The following RASEF variants were observed in gnomAD, a reference collection of about 807,000 sequenced individuals.
RASEF encodes the protein ras and EF-hand domain-containing protein.
A neutral mutation model predicts 90.1 loss-of-function variants in RASEF; 68 were observed. That is an observed-to-expected ratio of 0.75 (90% confidence interval 0.62 to 0.92). The LOEUF (loss-of-function observed/expected upper bound fraction) is 0.92. Ranked by LOEUF, RASEF falls within the 40% of genes least tolerant of loss-of-function variation. The pLI, the probability that RASEF is intolerant of heterozygous loss-of-function variation, is 0.00. For missense variants in RASEF, 949 were observed against 937.2 expected, an observed-to-expected ratio of 1.01 and a Z score of -0.16; for synonymous variants, 331 against 345.2, an observed-to-expected ratio of 0.96 and a Z score of 0.46.
chr9:83,131,761 T>C, the RASEF span, among the ~76,000 whole-genome samples: 1 of 152,198 alleles, frequency 6.6e-6, no homozygotes, highest in Non-Finnish European at 1.5e-5. Context: ...TAAATGGGTA[T>C]ACTCTAAGCT....
the RASEF span, among the ~76,000 whole-genome samples, chr9:83,190,347 T>C: frequency 1.6e-4 from 25 of 152,200 alleles, no homozygotes; most frequent in African/African-American, 5.5e-4. Context: ...CATTTTAAAA[T>C]ATATTTGTAA....
chr9:83,065,856 G>C (rs953393076), upstream of RASEF, among the ~76,000 whole-genome samples: 8 of 152,152 alleles, frequency 5.3e-5, no homozygotes, highest in African/African-American at 1.9e-4. Flanking sequence ...GTCTTAATTT[G>C]ATAAGGGGTA....
intron 16 of RASEF, 90 bp downstream of exon 16, chr9:82,990,301 G>A (rs534915709): frequency 6.5e-5 from 53 of 817,446 alleles, no homozygotes; most frequent in African/African-American, 5.6e-4. Flanking sequence ...GTGTTTTCCC[G>A]CATATATTCT....
the RASEF span, among the ~76,000 whole-genome samples, chr9:83,111,917 T>C: frequency 6.6e-6 from 1 of 151,980 alleles, no homozygotes; most frequent in African/African-American, 2.4e-5. Context: ...TTGTAATAGC[T>C]GTAATAGAGG....
At chr9:82,983,136 CACACACACACACACACACA>C (rs1828646888) in intron 16 of RASEF, among the ~76,000 whole-genome samples, 1 of 151,336 alleles carries the variant, frequency 6.6e-6, no homozygotes, top group African/African-American at 2.4e-5. Flanking sequence ...CACACACACA[CACACACACACACACACACA>C]CCCTTCTCCC....
the RASEF span, among the ~76,000 whole-genome samples, chr9:83,072,093 G>A: frequency 6.6e-6 from 1 of 152,150 alleles, no homozygotes; most frequent in South Asian, 2.1e-4. Context: ...TATGTTTGAA[G>A]TAGGATGATG....
At chr9:83,179,833 C>T in the RASEF span, among the ~76,000 whole-genome samples, 2 of 152,112 alleles carry the variant, frequency 1.3e-5, no homozygotes, top group South Asian at 2.1e-4. Flanking sequence ...CAGTGACTAC[C>T]TAAAAATACA....
intron 9 of RASEF, among the ~76,000 whole-genome samples, chr9:83,003,582 T>C (rs559420483): frequency 1.3e-5 from 2 of 152,174 alleles, no homozygotes; most frequent in Non-Finnish European, 2.9e-5. Flanking sequence ...ATCAAGCCAT[T>C]AAATTTTTTT....
the RASEF span, among the ~76,000 whole-genome samples, chr9:83,160,868 T>C: frequency 5.9e-5 from 9 of 152,294 alleles, no homozygotes; most frequent in Non-Finnish European, 1.3e-4. Context: ...GGGGCCCACA[T>C]AGAGCTTGGG....
intron 1 of RASEF, among the ~76,000 whole-genome samples, chr9:83,046,009 G>T (rs1829922333): frequency 6.7e-6 from 1 of 148,716 alleles, no homozygotes; most frequent in Non-Finnish European, 1.5e-5. Context: ...CCTCCATTAA[G>T]CTTCCTTCAC....
chr9:83,119,519 G>C, the RASEF span, among the ~76,000 whole-genome samples: 1 of 152,170 alleles, frequency 6.6e-6, no homozygotes, highest in African/African-American at 2.4e-5. Flanking sequence ...TGAAGCAACA[G>C]CTCTGGTCTG....
intron 1 of RASEF, among the ~76,000 whole-genome samples, chr9:83,033,415 G>C (rs1326615820): frequency 6.6e-6 from 1 of 152,176 alleles, no homozygotes; most frequent in Admixed American, 6.5e-5. Flanking sequence ...CCTGAAGTAT[G>C]CATAGATGTC....
At chr9:83,077,677 C>T in the RASEF span, among the ~76,000 whole-genome samples, 4 of 152,122 alleles carry the variant, frequency 2.6e-5, no homozygotes, top group Non-Finnish European at 4.4e-5. Context: ...GAATTATTAC[C>T]GTGTTATCAT....
chr9:82,989,246 A>G (rs13287336), intron 16 of RASEF, among the ~76,000 whole-genome samples: 5,331 of 138,126 alleles, frequency 0.039, 122 homozygotes, highest in Non-Finnish European at 0.058. Context: ...GTGTGTGTGT[A>G]TATCTTTTTT....
chr9:83,088,709 G>T, the RASEF span, among the ~76,000 whole-genome samples: 2 of 152,028 alleles, frequency 1.3e-5, no homozygotes, highest in Non-Finnish European at 2.9e-5. Context: ...TCTATTTTGT[G>T]TATATTACTA....
chr9:83,032,441 G>C (rs1243145143), intron 1 of RASEF, among the ~76,000 whole-genome samples: 5 of 152,226 alleles, frequency 3.3e-5, no homozygotes, highest in African/African-American at 4.8e-5. Flanking sequence ...GGGAAAGAAA[G>C]ATTAAGGATC....
At chr9:83,060,159 T>C (rs973521578) in intron 1 of RASEF, among the ~76,000 whole-genome samples, 3 of 152,114 alleles carry the variant, frequency 2.0e-5, no homozygotes, top group African/African-American at 7.2e-5. Flanking sequence ...AGGGATAAGA[T>C]TGAGTGCCAG....
chr9:83,150,648 C>A, the RASEF span, among the ~76,000 whole-genome samples: 52 of 152,134 alleles, frequency 3.4e-4, no homozygotes, highest in Non-Finnish European at 2.1e-4. Context: ...TAAATCACTT[C>A]ATGTATGAAC....
chr9:83,104,422 A>C, the RASEF span, among the ~76,000 whole-genome samples: 2 of 152,194 alleles, frequency 1.3e-5, no homozygotes, highest in Non-Finnish European at 2.9e-5. Flanking sequence ...TAAGAAACTG[A>C]GAGAGCTTGC....
Sources: allele counts gnomAD v4.1 joint callset (sites outside exome capture counted in the v4.1 genomes callset), GRCh38; gene constraint gnomAD v4.1.1; transcripts MANE v1.5; gene names NCBI Gene and HGNC (gene_info 2026-07-23, HGNC 2026-07-21).